The following CCR3 variants were observed in gnomAD, a reference collection of about 807,000 sequenced individuals.
The protein encoded by CCR3 is C-C chemokine receptor type 3.
For missense variants in CCR3, 419 were observed against 437.5 expected (o/e 0.96, Z 0.38); for synonymous variants, 203 against 179.2 (o/e 1.13, Z -1.06).
At chr3:46,220,610 C>T (rs769478093) in intron 2 of CCR3, among the ~76,000 whole-genome samples, 14 of 152,130 alleles carry the variant, frequency 9.2e-5, no homozygotes, top group Non-Finnish European at 2.1e-4. Context: ...AGTAAATGTC[C>T]GTCAACTAAC....
intron 2 of CCR3, among the ~76,000 whole-genome samples, chr3:46,224,734 CAAAAAAA>C (rs901561258): frequency 4.2e-5 from 2 of 47,472 alleles, no homozygotes; most frequent in Non-Finnish European, 8.8e-5. Flanking sequence ...AAGACTCTGT[CAAAAAAA>C]AAAAAAAAAA....
At chr3:46,225,464 C>T (rs558789354) in intron 2 of CCR3, among the ~76,000 whole-genome samples, 3 of 152,148 alleles carry the variant, frequency 2.0e-5, no homozygotes, top group Non-Finnish European at 4.4e-5. Flanking sequence ...ATTGTAAGCA[C>T]GAATTTAGTT....
chr3:46,238,913 G>A (rs766223454), upstream of CCR3, among the ~76,000 whole-genome samples: 1 of 152,166 alleles, frequency 6.6e-6, no homozygotes, highest in African/African-American at 2.4e-5. Context: ...GCAACATAAC[G>A]CAGATCAGCG....
At chr3:46,247,327 G>A (rs1490332092) in intron 1 of CCR3, among the ~76,000 whole-genome samples, 6 of 152,234 alleles carry the variant, frequency 3.9e-5, no homozygotes, top group East Asian at 1.9e-4. Context: ...AAGGTGGTCC[G>A]GTGTCTGGAA....
intron 2 of CCR3, among the ~76,000 whole-genome samples, chr3:46,229,251 ACT>A (rs1293841775): frequency 6.6e-6 from 1 of 152,092 alleles, no homozygotes; most frequent in African/African-American, 2.4e-5. Context: ...TCAGATGCTA[ACT>A]CTTGTGATAT....
At chr3:46,234,207 AT>A (rs1238025927) in intron 2 of CCR3, among the ~76,000 whole-genome samples, 1 of 152,210 alleles carries the variant, frequency 6.6e-6, no homozygotes, top group East Asian at 1.9e-4. Flanking sequence ...TTTCAAACAG[AT>A]TCATCACTAC....
Position 46,265,500 on chromosome 3 carries a change from C to T in CCR3, c.342C>T (p.His114=), listed in dbSNP as rs146247265. 4.2e-5 allele frequency: 67 copies of T among 1,614,070 alleles called. No individual in the cohort carries two copies. The highest frequency in any genetic ancestry group is 6.7e-5 in the African/African-American group (5 of 74,940). ...GTAAGCTCCTCTCAGGGTTTTATCA[C>T]ACAGGCTTGTACAGCGAGATCTTTT... ...GMCKLLSGFY[H]TGLYSEIFFI... is the part of the protein sequence containing the mutation. The change falls in exon 2 of 2, where the codon CAC becomes CAT. Residue 114 remains histidine, a synonymous_variant. Coordinates refer to ENST00000395940, the MANE Select transcript of CCR3 (RefSeq NM_178329.3).
rs753697978 is a variant in CCR3, at chr3:46,265,724, A to G, written c.566A>G (p.Glu189Gly). 6.2e-7 allele frequency: 1 copy of G among 1,613,960 alleles called. No homozygotes were observed. Among genetic ancestry groups the G allele is most frequent in the Admixed American group, 1.7e-5 (1 of 60,020 alleles). ...EETLCSALYPEDTVYSWRHFH... is the reference protein window; with the variant it reads ...EETLCSALYPGDTVYSWRHFH... The stretch of plus-strand genomic sequence containing the variant: ...ACTCTTTGCAGTGCTCTTTACCCAG[A>G]GGATACAGTATATAGCTGGAGGCAT... The change falls in exon 2 of 2, where the codon GAG becomes GGG. Residue 189 changes from glutamate (E) to glycine (G), a missense_variant. Physicochemically the swap from Glu to Gly is moderately conservative, Grantham distance 98 (BLOSUM62 -2). Coordinates refer to ENST00000395940, the MANE Select transcript of CCR3 (RefSeq NM_178329.3).
upstream of CCR3, among the ~76,000 whole-genome samples, chr3:46,241,770 T>C (rs1243190383): frequency 6.6e-6 from 1 of 152,154 alleles, no homozygotes; most frequent in African/African-American, 2.4e-5. Context: ...TCCAAGTGTC[T>C]ACTGGACCCT....
At chr3:46,251,686 C>A (rs942649807) in intron 1 of CCR3, among the ~76,000 whole-genome samples, 1 of 152,010 alleles carries the variant, frequency 6.6e-6, no homozygotes, top group African/African-American at 2.4e-5. Context: ...TGAGTGCAGG[C>A]GGGCTGAGTC....
At chr3:46,250,931 C>G (rs1309310832) in intron 1 of CCR3, among the ~76,000 whole-genome samples, 2 of 151,276 alleles carry the variant, frequency 1.3e-5, no homozygotes, top group Non-Finnish European at 2.9e-5. Flanking sequence ...GATAAGAGGT[C>G]AGGGTGAGGA....
chr3:46,235,747 C>T (rs1005178436), intron 2 of CCR3, among the ~76,000 whole-genome samples: 3 of 152,204 alleles, frequency 2.0e-5, no homozygotes, highest in African/African-American at 7.2e-5. Flanking sequence ...CCACTACGAG[C>T]CCTCACCAGA....
chr3:46,266,434 A>C lies in CCR3; in HGVS notation c.*208A>C. 2.1e-6 allele frequency: 1 copy of C among 471,940 alleles called. No homozygotes were observed. Among genetic ancestry groups the C allele is most frequent in the South Asian group, 5.3e-5 (1 of 18,752 alleles). The allele number at this position is 471,940 out of a possible 1,614,324, so 29.2% of individuals were successfully genotyped here. A position where few individuals can be genotyped will look rare whatever the true frequency, so the allele number is the denominator to read the frequency against. Reference sequence around the variant, plus strand: ...AGGCCAGGGGCTGGGCAGCGTACTCATCATCAACCCTAAAAAGCAGAGCTT... The same window carrying C: ...AGGCCAGGGGCTGGGCAGCGTACTCCTCATCAACCCTAAAAAGCAGAGCTT... On this transcript the variant is annotated 3_prime_UTR_variant, in exon 2 of 2. Transcript: ENST00000395940.
upstream of CCR3, among the ~76,000 whole-genome samples, chr3:46,239,327 A>T (rs1311578944): frequency 2.6e-5 from 4 of 152,244 alleles, no homozygotes; most frequent in Non-Finnish European, 5.9e-5. Flanking sequence ...GTAACCTTCT[A>T]GGAAATACTA....
At chr3:46,244,377 C>A (rs993046657) in intron 1 of CCR3, among the ~76,000 whole-genome samples, 3 of 152,110 alleles carry the variant, frequency 2.0e-5, no homozygotes. Flanking sequence ...ATCTTTCATG[C>A]GCGTCCGTGT....
chr3:46,258,076 G>T (rs371196566), intron 1 of CCR3, among the ~76,000 whole-genome samples: 1 of 152,308 alleles, frequency 6.6e-6, no homozygotes, highest in African/African-American at 2.4e-5. Flanking sequence ...CCTGAAAGCA[G>T]ATCTTTCCCA....
At chr3:46,249,871 A>C (rs1227417709) in intron 1 of CCR3, among the ~76,000 whole-genome samples, 1 of 135,020 alleles carries the variant, frequency 7.4e-6, no homozygotes, top group East Asian at 2.0e-4. Context: ...AGGGAATTGC[A>C]ACTTTTTTTT....
At chr3:46,246,829 T>A (rs890698263) in intron 1 of CCR3, among the ~76,000 whole-genome samples, 6 of 152,166 alleles carry the variant, frequency 3.9e-5, no homozygotes, top group Non-Finnish European at 7.4e-5. Flanking sequence ...ATGGGCGATG[T>A]TTCCCAGGGC....
chr3:46,238,491 GA>G (rs1700044981), upstream of CCR3, among the ~76,000 whole-genome samples: 1 of 152,154 alleles, frequency 6.6e-6, no homozygotes, highest in South Asian at 2.1e-4. Context: ...ATGACAGTGA[GA>G]AAAAGAGATG....
Sources: gnomAD v4.1 joint callset for allele counts (sites outside exome capture counted in the v4.1 genomes callset) on GRCh38, gnomAD v4.1.1 for gene constraint, MANE v1.5 for transcripts, NCBI Gene and HGNC (gene_info 2026-07-23, HGNC 2026-07-21) for gene names.